The following MAPRE2 variants were observed in gnomAD, a reference collection of about 807,000 sequenced individuals.
MAPRE2 encodes the protein microtubule-associated protein RP/EB family member 2.
A neutral mutation model predicts 43.2 loss-of-function variants in MAPRE2; 13 were observed. The observed-to-expected ratio is 0.30, with a 90% CI of 0.20 to 0.48. The LOEUF is 0.48. Among genes scored for constraint, MAPRE2 ranks in the 20% least tolerant of loss-of-function variants. The probability of loss-of-function intolerance (pLI) is 0.99; values close to 1 mark genes in which losing one functional copy is unlikely to be tolerated. For missense variants in MAPRE2, 161 were observed against 400.2 expected, an observed-to-expected ratio of 0.40 and a Z score of 5.10; for synonymous variants, 135 against 148.8, an observed-to-expected ratio of 0.91 and a Z score of 0.68.
chr18:34,983,281 G>A (rs1179791808), intron 1 of MAPRE2, among the ~76,000 whole-genome samples: 1 of 152,132 alleles, frequency 6.6e-6, no homozygotes, highest in Non-Finnish European at 1.5e-5. Context: ...GCGAAAAGCA[G>A]TATATTTCTA....
At chr18:35,097,647 G>T in intron 3 of MAPRE2, 56 bp downstream of exon 3, 1 of 1,513,460 alleles carries the variant, frequency 6.6e-7, no homozygotes, top group East Asian at 2.3e-5. Flanking sequence ...TTGTTTTTGT[G>T]CATAAATGCA....
chr18:35,140,158 A>G lies in MAPRE2; in HGVS notation c.910-137A>G, dbSNP rs956573636. 4.4e-6 allele frequency: 3 copies of G among 688,332 alleles called. No individual in the cohort carries two copies. In the South Asian group the frequency reaches 5.4e-5, roughly 12 times the overall value. 42.6% of individuals were successfully genotyped at this position (688,332 alleles called of 1,614,324 possible). A position where few individuals can be genotyped will look rare whatever the true frequency, so the allele number is the denominator to read the frequency against. ...ACACCGGAAGCTGGGAGACGTTTGC[A>G]TGGCGAGTTGTGCCTAACTAAGCCT... On this transcript the variant is annotated intron_variant, in intron 6 of 6. Transcript: ENST00000300249.
At chr18:35,085,456 A>T (rs889716753) in intron 2 of MAPRE2, among the ~76,000 whole-genome samples, 1 of 152,228 alleles carries the variant, frequency 6.6e-6, no homozygotes, top group Non-Finnish European at 1.5e-5. Context: ...AAATATGGCT[A>T]TGTTACTGAG....
intron 6 of MAPRE2, among the ~76,000 whole-genome samples, chr18:35,135,270 T>A (rs1910334938): frequency 6.6e-6 from 1 of 152,196 alleles, no homozygotes; most frequent in Non-Finnish European, 1.5e-5. Flanking sequence ...CCTTGGTTTT[T>A]ATGCAGAAAG....
At chr18:35,013,098 A>G (rs1213250127) in intron 2 of MAPRE2, among the ~76,000 whole-genome samples, 1 of 152,228 alleles carries the variant, frequency 6.6e-6, no homozygotes, top group Non-Finnish European at 1.5e-5. Context: ...TGCTTTAGCA[A>G]CAAAGAGGTT....
chr18:35,099,606 C>T (rs1908581579), intron 3 of MAPRE2, among the ~76,000 whole-genome samples: 1 of 152,126 alleles, frequency 6.6e-6, no homozygotes. Flanking sequence ...CAGAGTGAGA[C>T]TCTGTCTCTG....
chr18:35,140,708 T>G lies in MAPRE2; in HGVS notation c.*339T>G, dbSNP rs1910597104. The G allele has an allele frequency of 7.1e-6, 2 of 283,582 alleles. No homozygotes were observed. Among genetic ancestry groups the G allele is most frequent in the East Asian group, 1.2e-4 (2 of 16,164 alleles). The allele number at this position is 283,582 out of a possible 1,614,324, so 17.6% of individuals were successfully genotyped here. On this transcript the variant is annotated 3_prime_UTR_variant, in exon 7 of 7. Coordinates refer to ENST00000300249, the MANE Select transcript of MAPRE2 (RefSeq NM_014268.4). Reference sequence around the variant, plus strand: ...ACCACTGCCACCACCCCTCTTTTTATCCTGGTGTGAAACAATGGTAATTTG... The same window carrying G: ...ACCACTGCCACCACCCCTCTTTTTAGCCTGGTGTGAAACAATGGTAATTTG...
chr18:35,027,414 C>T (rs189005090), intron 2 of MAPRE2, among the ~76,000 whole-genome samples: 94 of 152,262 alleles, frequency 6.2e-4, no homozygotes, highest in Admixed American at 6.1e-3. Context: ...GCCCAGGCCA[C>T]ATGGGGAAGC....
At chr18:34,982,042 C>A (rs1362853839) in intron 1 of MAPRE2, among the ~76,000 whole-genome samples, 1 of 151,762 alleles carries the variant, frequency 6.6e-6, no homozygotes, top group Non-Finnish European at 1.5e-5. Flanking sequence ...CGCCACCACA[C>A]CTGGCTAATT....
chr18:34,998,772 A>ATTTTTTT (rs67933808), intron 1 of MAPRE2, among the ~76,000 whole-genome samples: 6 of 93,726 alleles, frequency 6.4e-5, no homozygotes, highest in African/African-American at 1.5e-4. Context: ...CGAAGTTGCA[A>ATTTTTTT]TTTTTTTTTT....
chr18:35,017,828 CT>C (rs2097039421), intron 2 of MAPRE2, among the ~76,000 whole-genome samples: 3 of 151,106 alleles, frequency 2.0e-5, no homozygotes, highest in Non-Finnish European at 4.4e-5. Flanking sequence ...TTTCTCTTGC[CT>C]GATTGTTCTG....
chr18:35,041,905 C>G (rs1286086766), intron 1 of MAPRE2: 1 of 857,150 alleles, frequency 1.2e-6, no homozygotes, highest in Non-Finnish European at 1.7e-6. Context: ...CTCCCTCCAT[C>G]TCTTTCCTTC....
intron 2 of MAPRE2, among the ~76,000 whole-genome samples, chr18:35,034,524 A>C (rs1358240069): frequency 6.6e-6 from 1 of 151,996 alleles, no homozygotes; most frequent in African/African-American, 2.4e-5. Flanking sequence ...ATCTAATTAA[A>C]CTAAAGAGCT....
intron 1 of MAPRE2, among the ~76,000 whole-genome samples, chr18:35,069,902 G>C: frequency 6.6e-6 from 1 of 152,174 alleles, no homozygotes; most frequent in East Asian, 1.9e-4. Context: ...AATATCACAC[G>C]TAGACTTACA....
intron 1 of MAPRE2, among the ~76,000 whole-genome samples, chr18:34,993,089 C>T (rs2097024611): frequency 6.6e-6 from 1 of 152,104 alleles, no homozygotes; most frequent in Non-Finnish European, 1.5e-5. Flanking sequence ...TGCACAATTA[C>T]TGGACACTGA....
At chr18:35,106,030 T>C (rs958234717) in intron 4 of MAPRE2, among the ~76,000 whole-genome samples, 1 of 152,160 alleles carries the variant, frequency 6.6e-6, no homozygotes, top group African/African-American at 2.4e-5. Flanking sequence ...AAAGCCGTTC[T>C]CTTTATACAC....
At chr18:35,125,550 G>A (rs1237759341) in intron 4 of MAPRE2, among the ~76,000 whole-genome samples, 1 of 152,274 alleles carries the variant, frequency 6.6e-6, no homozygotes, top group African/African-American at 2.4e-5. Flanking sequence ...AATTAGGCCA[G>A]TGGGAGCACA....
chr18:35,065,313 A>G (rs1205979085), intron 1 of MAPRE2, among the ~76,000 whole-genome samples: 1 of 152,046 alleles, frequency 6.6e-6, no homozygotes, highest in Non-Finnish European at 1.5e-5. Flanking sequence ...AAAAAAAACA[A>G]AAAGTGTATT....
rs1382913584 is a variant in MAPRE2 at position 34,984,960 on chromosome 18, T to G, written c.-70+7881T>G. Among the ~76,000 whole-genome samples, 7 of 6,006 alleles carry G rather than the reference T, an allele frequency of 1.2e-3. 1 individual carries two copies. Among genetic ancestry groups the G allele is most frequent in the Non-Finnish European group, 2.3e-3 (5 of 2,134 alleles). The allele number at this position is 6,006 out of a possible 152,430, so 3.9% of individuals were successfully genotyped here. A position where few individuals can be genotyped will look rare whatever the true frequency, so the allele number is the denominator to read the frequency against. On this transcript the variant is annotated intron_variant, in intron 1 of 7. Coordinates refer to the MAPRE2 transcript ENST00000413393. Reference sequence around the variant, plus strand: ...TATAATATATAAAATATATTATATATAAAATATATAATATATAAAATATAT... The same window carrying G: ...TATAATATATAAAATATATTATATAGAAAATATATAATATATAAAATATAT...
Sources: gnomAD v4.1 joint callset for allele counts (sites outside exome capture counted in the v4.1 genomes callset) on GRCh38, gnomAD v4.1.1 for gene constraint, MANE v1.5 for transcripts, NCBI Gene and HGNC (gene_info 2026-07-23, HGNC 2026-07-21) for gene names.